Variants in SPNS3 observed in about 807,000 individuals in gnomAD.
SPNS3 encodes SPNS lysolipid transporter 3, sphingosine-1-phosphate (putative).
In SPNS3, 51 loss-of-function variants were observed where a neutral mutation model predicts 54.4. The observed-to-expected ratio is 0.94, with a 90% CI of 0.75 to 1.18. The LOEUF (loss-of-function observed/expected upper bound fraction) is 1.18. Ranked by LOEUF, SPNS3 falls within the 50% of genes most tolerant of loss-of-function variation. The probability of loss-of-function intolerance (pLI) is 0.00; values close to 1 mark genes in which losing one functional copy is unlikely to be tolerated. For missense variants in SPNS3, 669 were observed against 677.4 expected (o/e 0.99, Z 0.14); for synonymous variants, 309 against 294.7 (o/e 1.05, Z -0.50).
rs1032690340 is a variant in SPNS3 at position 4,456,463 on chromosome 17, G to A, written c.1113+3258G>A. Among the ~76,000 whole-genome samples, 12 of 152,298 alleles carry A rather than the reference G, an allele frequency of 7.9e-5. No individual in the cohort carries two copies. The East Asian group carries it at 9.7e-4, about 12-fold the overall frequency. On this transcript the variant is annotated intron_variant, in intron 8 of 11. Transcript: ENST00000355530. ...AAAGTCTTGTCATTCTCTTCTGCAC[G>A]TGCTCTTATTTAGTCCTCACGACTG...
chr17:4,435,461 T>TA (rs1567550527), intron 1 of SPNS3, among the ~76,000 whole-genome samples: 1 of 102,074 alleles, frequency 9.8e-6, no homozygotes, highest in Non-Finnish European at 2.0e-5. Flanking sequence ...AAATAAAAAA[T>TA]AAAAAATAAA....
intron 2 of SPNS3, among the ~76,000 whole-genome samples, chr17:4,441,125 C>A (rs991142465): frequency 6.6e-6 from 1 of 152,136 alleles, no homozygotes; most frequent in African/African-American, 2.4e-5. Context: ...TACACAACAA[C>A]GCTGGAAATC....
rs75213658 is a variant in SPNS3, at chr17:4,438,609, G to A, written c.200-1049G>A. On this transcript the variant is annotated intron_variant, in intron 1 of 11. Coordinates refer to ENST00000355530, the MANE Select transcript of SPNS3 (RefSeq NM_182538.5). ...GCTGGGTGCCCACTGCTGTGCCTCT[G>A]GAAGAACAGGCTTGTGTGTGCACAT... Among the ~76,000 whole-genome samples, 30 of 152,320 alleles carry A rather than the reference G, an allele frequency of 2.0e-4. No homozygotes were observed. In the East Asian group the frequency reaches 5.6e-3, roughly 28 times the overall value.
chr17:4,444,735 C>T (rs1970937530), intron 2 of SPNS3, among the ~76,000 whole-genome samples: 1 of 152,150 alleles, frequency 6.6e-6, no homozygotes, highest in Non-Finnish European at 1.5e-5. Flanking sequence ...TCCCATCTCA[C>T]CTTCACCATC....
intron 5 of SPNS3, among the ~76,000 whole-genome samples, chr17:4,447,451 C>A (rs921564265): frequency 1.3e-5 from 2 of 152,150 alleles, no homozygotes; most frequent in Non-Finnish European, 2.9e-5. Context: ...TGGAGAGGGA[C>A]CATTCTGAAG....
At chr17:4,457,468 T>C (rs1339210454) in intron 8 of SPNS3, among the ~76,000 whole-genome samples, 1 of 152,176 alleles carries the variant, frequency 6.6e-6, no homozygotes, top group Non-Finnish European at 1.5e-5. Flanking sequence ...AGTGCACTGA[T>C]CCAGAAACAG....
intron 8 of SPNS3, among the ~76,000 whole-genome samples, chr17:4,461,365 T>C (rs1194696545): frequency 7.3e-5 from 8 of 110,266 alleles, no homozygotes; most frequent in African/African-American, 1.1e-4. Flanking sequence ...TCTTTTCTTT[T>C]TTTTTTTTTT....
intron 5 of SPNS3, among the ~76,000 whole-genome samples, chr17:4,447,304 C>A (rs1161117788): frequency 6.6e-6 from 1 of 152,188 alleles, no homozygotes; most frequent in African/African-American, 2.4e-5. Context: ...GATGGAAGTT[C>A]CAAGCCGCAG....
Position 4,462,052 on chromosome 17 carries a change from A to G in SPNS3, c.1113+8847A>G, listed in dbSNP as rs191671824. Among the ~76,000 whole-genome samples, 21 of 151,066 alleles carry G rather than the reference A, an allele frequency of 1.4e-4. 1 individual carries two copies. In the East Asian group the frequency reaches 3.7e-3, roughly 27 times the overall value. ...ATTGGCTTCTGCTGGGATTCAAAAT[A>G]TGATGTCACCTTACTTTCTTCTACT... is the stretch of plus-strand genomic sequence containing the variant. On this transcript the variant is annotated intron_variant, in intron 8 of 11. Transcript: ENST00000355530.
chr17:4,439,779 T>G, intron 2 of SPNS3, 56 bp downstream of exon 2: 2 of 1,510,156 alleles, frequency 1.3e-6, no homozygotes, highest in Non-Finnish European at 9.1e-7. Context: ...TGGGGTGGGC[T>G]CTTTCTGTGG....
At chr17:4,472,877 C>T (rs757305488) in intron 8 of SPNS3, among the ~76,000 whole-genome samples, 2 of 147,002 alleles carry the variant, frequency 1.4e-5, no homozygotes, top group Non-Finnish European at 3.0e-5. Context: ...CAGCCTCAAC[C>T]TCCCAGGCTT....
At chr17:4,437,276 G>C (rs917143822) in intron 1 of SPNS3, among the ~76,000 whole-genome samples, 3 of 152,124 alleles carry the variant, frequency 2.0e-5, no homozygotes, top group African/African-American at 7.2e-5. Flanking sequence ...AGAAAACAAG[G>C]GGATGAGTCC....
chr17:4,467,304 G>T (rs970009777), intron 8 of SPNS3, among the ~76,000 whole-genome samples: 1 of 151,872 alleles, frequency 6.6e-6, no homozygotes, highest in African/African-American at 2.4e-5. Flanking sequence ...GGAATCTACT[G>T]CTGCAAAAAA....
In SPNS3 at chr17:4,436,023, A is replaced by AACC. The variant is rs368427481; in HGVS notation, c.199+1859_199+1860insCAC. Among the ~76,000 whole-genome samples the AACC allele has an allele frequency of 6.1e-3, 930 of 152,064 alleles. 8 individuals carry two copies. Among genetic ancestry groups the AACC allele is most frequent in the African/African-American group, 0.02 (849 of 41,506 alleles). On this transcript the variant is annotated intron_variant, in intron 1 of 11. Transcript: ENST00000355530. ...ATTCATTCAAGACCGGCTGAGCACTAACTGTGGGCAGGACCCCCTGCTGGC... is the reference window on the plus strand; with the variant it reads ...ATTCATTCAAGACCGGCTGAGCACTAACCACTGTGGGCAGGACCCCCTGCTGGC...
In SPNS3 at chr17:4,447,992, G is replaced by T. The variant is rs1971042788; in HGVS notation, c.622-163G>T. Among the ~76,000 whole-genome samples the T allele has an allele frequency of 1.3e-5, 2 of 152,186 alleles. 1 individual carries two copies. The highest frequency in any genetic ancestry group is 4.1e-4 in the South Asian group (2 of 4,836). On this transcript the variant is annotated intron_variant, in intron 5 of 11. Transcript: ENST00000355530. ...GGGCTGAGAAACAGTGGTACATCCTGCTCTGTGGATACCAGCATCCAGGAA... is the reference window on the plus strand; with the variant it reads ...GGGCTGAGAAACAGTGGTACATCCTTCTCTGTGGATACCAGCATCCAGGAA...
In SPNS3 at chr17:4,446,804, C is replaced by T. The variant is rs9900971; in HGVS notation, c.555-92C>T. ...CCTGCAGAGAGCCAGCTCCCTGGGG[C>T]GTGGGGGGGGCACCCTGGGTCAGGC... On this transcript the variant is annotated intron_variant, in intron 4 of 11. Transcript: ENST00000355530. 6.8e-3 allele frequency: 8,236 copies of T among 1,209,896 alleles called. 378 individuals carry two copies. In the African/African-American group the frequency reaches 0.11, roughly 16 times the overall value. The allele number at this position is 1,209,896 out of a possible 1,614,324, so 74.9% of individuals were successfully genotyped here.
chr17:4,437,996 C>T (rs1160561156), intron 1 of SPNS3, among the ~76,000 whole-genome samples: 1 of 152,164 alleles, frequency 6.6e-6, no homozygotes, highest in Non-Finnish European at 1.5e-5. Flanking sequence ...ACTGTGTTAG[C>T]CACGATGGTC....
intron 8 of SPNS3, among the ~76,000 whole-genome samples, chr17:4,472,774 C>CATTTTTTTTTTTTTTTTTTTTTTTTTTT (rs1567572187): frequency 2.0e-5 from 1 of 50,942 alleles, no homozygotes; most frequent in African/African-American, 8.9e-5. Flanking sequence ...GCTTGGCAGC[C>CATTTTTTTTTTTTTTTTTTTTTTTTTTT]TTTTTTTTTT....
chr17:4,456,705 T>A (rs545375967), intron 8 of SPNS3, among the ~76,000 whole-genome samples: 18 of 139,586 alleles, frequency 1.3e-4, no homozygotes, highest in Non-Finnish European at 1.8e-4. Flanking sequence ...TTGGTTTTTG[T>A]TTTTGTGTTT....
Sources: allele counts gnomAD v4.1 joint callset (sites outside exome capture counted in the v4.1 genomes callset), GRCh38; gene constraint gnomAD v4.1.1; transcripts MANE v1.5; gene names NCBI Gene and HGNC (gene_info 2026-07-23, HGNC 2026-07-21).